Variants in MTCH1 observed in about 807,000 individuals in gnomAD.
The protein encoded by MTCH1 is mitochondrial carrier 1, also known as mitochondrial carrier homolog 1.
A neutral mutation model predicts 49.3 loss-of-function variants in MTCH1; 23 were observed. The observed-to-expected ratio is 0.47, with a 90% CI of 0.34 to 0.66. The LOEUF (loss-of-function observed/expected upper bound fraction) is 0.66, where lower values mean the gene tolerates loss of function less well. Ranked by LOEUF, MTCH1 falls within the 30% of genes least tolerant of loss-of-function variation. The pLI, the probability that MTCH1 is intolerant of heterozygous loss-of-function variation, is 0.01. For missense variants in MTCH1, 397 were observed against 532.1 expected, an observed-to-expected ratio of 0.75 and a Z score of 2.50; for synonymous variants, 229 against 215.2, an observed-to-expected ratio of 1.06 and a Z score of -0.56.
rs954210132 is a variant in MTCH1 at position 36,972,467 on chromosome 6, T to C, written c.906+185A>G. Among the ~76,000 whole-genome samples, 20 of 152,012 alleles carry C rather than the reference T, an allele frequency of 1.3e-4. No homozygotes were observed. The highest frequency in any genetic ancestry group is 4.1e-4 in the African/African-American group (17 of 41,370). On this transcript the variant is annotated intron_variant, in intron 8 of 11. Coordinates refer to ENST00000373627, the MANE Select transcript of MTCH1 (RefSeq NM_001271641.2). The surrounding 1 kb of genome is among the most constrained non-coding windows in gnomAD (Gnocchi z 4.1). ...TCCATTAATTCCTCCCAGGTCTGGG[T>C]ACTAATCTGGAATCTCGCCTCTTGA...
chr6:36,970,177 A>C, intron 10 of MTCH1, 63 bp from the exon 11 acceptor site: 3 of 1,567,774 alleles, frequency 1.9e-6, no homozygotes, highest in Non-Finnish European at 2.6e-6. Flanking sequence ...CGGGAAAGCC[A>C]CTTCAAGAAG....
chr6:36,986,241 C>T (rs1275832492), upstream of MTCH1: 5 of 1,326,818 alleles, frequency 3.8e-6, no homozygotes, highest in Middle Eastern at 5.5e-4. Flanking sequence ...CGTCAGGGGG[C>T]GGGGCCGGGG....
At chr6:36,978,257 G>T in intron 3 of MTCH1, 102 bp from the exon 4 acceptor site, 1 of 1,104,292 alleles carries the variant, frequency 9.1e-7, no homozygotes, top group Non-Finnish European at 1.4e-6. Context: ...TTCCTCTGCA[G>T]TGTCTATTGG....
chr6:36,985,718 C>CCG, intron 1 of MTCH1, 135 bp downstream of exon 1: 1 of 336,988 alleles, frequency 3.0e-6, no homozygotes, highest in Non-Finnish European at 5.9e-6. Context: ...CCCACCCACT[C>CCG]GGCCCCCCAA....
Position 36,969,812 on chromosome 6 carries a change from G to A in MTCH1, c.1098+227C>T, listed in dbSNP as rs1269063771. ...TAAGACTCAAAGAAGAAAAGGTCTT[G>A]TCTGATGTATAATCTTAAAATAAAC... On this transcript the variant is annotated intron_variant, in intron 11 of 11. Coordinates refer to ENST00000373627, the MANE Select transcript of MTCH1 (RefSeq NM_001271641.2). The A allele has an allele frequency of 5.4e-6, 8 of 1,487,186 alleles. No individual in the cohort carries two copies. In the African/African-American group the frequency reaches 1.1e-4, roughly 21 times the overall value. 92.1% of individuals were successfully genotyped at this position (1,487,186 alleles called of 1,614,324 possible).
chr6:36,978,723 C>T, intron 2 of MTCH1, 112 bp from the exon 3 acceptor site: 2 of 859,776 alleles, frequency 2.3e-6, no homozygotes, highest in East Asian at 2.5e-5. Flanking sequence ...CTGCTGACTA[C>T]AGGCACAGAA....
intron 2 of MTCH1, among the ~76,000 whole-genome samples, chr6:36,979,500 G>A (rs1458855390): frequency 2.0e-5 from 3 of 152,200 alleles, no homozygotes; most frequent in South Asian, 2.1e-4. Context: ...CTCTGGCACC[G>A]CGCAGAGGCA....
chr6:36,976,377 G>A, intron 6 of MTCH1: 1 of 364,646 alleles, frequency 2.7e-6, no homozygotes, highest in Non-Finnish European at 5.7e-6. Flanking sequence ...AACAGAGGGA[G>A]CCAGTGGAAG....
At chr6:36,978,181 A>T in intron 3 of MTCH1, 26 bp from the exon 4 acceptor site, 5 of 1,580,160 alleles carry the variant, frequency 3.2e-6, no homozygotes, top group Middle Eastern at 3.3e-4. Context: ...GAAAGAACCA[A>T]GTTCAGCTAC....
At chr6:36,984,267 C>T (rs1764212321) in intron 1 of MTCH1, among the ~76,000 whole-genome samples, 2 of 152,132 alleles carry the variant, frequency 1.3e-5, no homozygotes. Context: ...CAATCTTAAC[C>T]CTGTAAGACA....
chr6:36,983,833 C>T (rs1241326864), intron 1 of MTCH1, among the ~76,000 whole-genome samples: 3 of 152,194 alleles, frequency 2.0e-5, no homozygotes, highest in Non-Finnish European at 4.4e-5. Context: ...CAAGTTATTA[C>T]TCTGATTCCC....
Position 36,977,286 on chromosome 6 carries a change from G to T in MTCH1, c.650-36C>A, listed in dbSNP as rs2293388. On this transcript the variant is annotated intron_variant, in intron 5 of 11. Coordinates refer to ENST00000373627, the MANE Select transcript of MTCH1 (RefSeq NM_001271641.2). The surrounding 1 kb of genome is among the most constrained non-coding windows in gnomAD (Gnocchi z 5.4). ...AAAAGAAAACACACACAGGTGATGT[G>T]GTGGGCCACACTTCATAATGCTCCA... The T allele has an allele frequency of 3.1e-6, 5 of 1,610,046 alleles. No individual in the cohort carries two copies. Among genetic ancestry groups the T allele is most frequent in the Non-Finnish European group, 4.2e-6 (5 of 1,177,652 alleles).
intron 11 of MTCH1, 88 bp downstream of exon 11, chr6:36,969,951 T>G (rs1484908674): frequency 6.4e-7 from 1 of 1,566,396 alleles, no homozygotes. Flanking sequence ...CACTTATCTT[T>G]GCATGCAATG....
In MTCH1 at chr6:36,977,982, A is replaced by C. The variant is rs1318177212; in HGVS notation, c.591+96T>G. ...CCCACCCATGCATACACAAGGACCC[A>C]ACTCTTCGACTTGTCAATGACCCGC... On this transcript the variant is annotated intron_variant, in intron 4 of 11. Coordinates refer to ENST00000373627, the MANE Select transcript of MTCH1 (RefSeq NM_001271641.2). The surrounding 1 kb of genome is among the most constrained non-coding windows in gnomAD (Gnocchi z 5.4). 3 of 1,137,516 alleles carry C rather than the reference A, an allele frequency of 2.6e-6. No individual in the cohort carries two copies. The highest frequency in any genetic ancestry group is 1.5e-5 in the African/African-American group (1 of 65,552). The allele number at this position is 1,137,516 out of a possible 1,614,324, so 70.5% of individuals were successfully genotyped here.
intron 6 of MTCH1, chr6:36,976,719 A>G (rs708007): frequency 0.62 from 244,836 of 394,228 alleles, 77,988 homozygotes; most frequent in African/African-American, 0.8. Context: ...CCTGGCACCT[A>G]CCCAGGGCTG....
At chr6:36,969,795 A>T (rs1763606542) in intron 11 of MTCH1, 1 of 1,435,838 alleles carries the variant, frequency 7.0e-7, no homozygotes, top group South Asian at 1.3e-5. Context: ...TTTAAGACTC[A>T]AAGAAGAAAA....
intron 10 of MTCH1, 60 bp downstream of exon 10, chr6:36,970,346 G>A: frequency 4.4e-6 from 7 of 1,596,866 alleles, no homozygotes; most frequent in Non-Finnish European, 6.0e-6. Context: ...GGGCTCGGTG[G>A]GTCTCCCCCA....
In MTCH1 at chr6:36,970,399, C is replaced by T. The variant is rs1213500081; in HGVS notation, c.1022+7G>A. 1 of 1,614,056 alleles carries T rather than the reference C, an allele frequency of 6.2e-7. No homozygotes were observed. Among genetic ancestry groups the T allele is most frequent in the South Asian group, 1.1e-5 (1 of 91,080 alleles). On this transcript the variant is annotated splice_region_variant and intron_variant, in intron 10 of 11. Transcript: ENST00000373627. ...GTAGAGTGGCAAGTAGAGGGGCGCA[C>T]ACCTACCCGCAGTTGTTCACAGCCA...
At position 36,968,367 on chromosome 6, in the gene MTCH1, C is replaced by G; in HGVS notation, c.*536G>C. ...TTTCCCATTCAGAGGCAGGTGCTGC[C>G]CTCATATCAGAAAAGTAGTGTTGAG... On this transcript the variant is annotated 3_prime_UTR_variant, in exon 12 of 12. Transcript: ENST00000373627. 1 of 259,070 alleles carries G rather than the reference C, an allele frequency of 3.9e-6. No homozygotes were observed. Among genetic ancestry groups the G allele is most frequent in the Non-Finnish European group, 7.7e-6 (1 of 130,208 alleles). 16.0% of individuals were successfully genotyped at this position (259,070 alleles called of 1,614,324 possible). A position where few individuals can be genotyped will look rare whatever the true frequency, so the allele number is the denominator to read the frequency against.
Sources: allele counts gnomAD v4.1 joint callset (sites outside exome capture counted in the v4.1 genomes callset), GRCh38; gene constraint gnomAD v4.1.1; non-coding constraint Gnocchi (gnomAD v3.1); transcripts MANE v1.5; gene names NCBI Gene and HGNC (gene_info 2026-07-23, HGNC 2026-07-21).